C9orf153: variants seen among roughly 807,000 people sequenced by gnomAD.
The protein encoded by C9orf153 is chromosome 9 open reading frame 153.
A neutral mutation model predicts 9.0 loss-of-function variants in C9orf153; 10 were observed. That is an observed-to-expected ratio of 1.11 (90% confidence interval 0.69 to 1.89). C9orf153 has a LOEUF of 1.89. C9orf153 is among the 40% of genes most tolerant of loss of function. C9orf153 has a pLI of 0.00. For missense variants in C9orf153, 108 were observed against 111.0 expected (o/e 0.97, Z 0.12); for synonymous variants, 35 against 37.3 (o/e 0.94, Z 0.23).
intron 3 of C9orf153, among the ~76,000 whole-genome samples, chr9:86,226,130 C>G (rs1162017575): frequency 6.6e-6 from 1 of 152,126 alleles, no homozygotes. Context: ...TAGGCCAGTC[C>G]TATCATTGCT....
At chr9:86,249,635 A>G (rs1483173635) in intron 1 of C9orf153, among the ~76,000 whole-genome samples, 4 of 149,602 alleles carry the variant, frequency 2.7e-5, no homozygotes, top group African/African-American at 7.4e-5. Context: ...TGCAACCTCC[A>G]TCTCCCGAGT....
chr9:86,236,796 G>A (rs1564000125), intron 1 of C9orf153, among the ~76,000 whole-genome samples: 1 of 151,384 alleles, frequency 6.6e-6, no homozygotes, highest in East Asian at 1.9e-4. Context: ...AAAGATAACA[G>A]TTTGTTCAAA....
chr9:86,240,989 G>A (rs1261274837), intron 1 of C9orf153, among the ~76,000 whole-genome samples: 2 of 152,088 alleles, frequency 1.3e-5, no homozygotes, highest in South Asian at 2.1e-4. Flanking sequence ...TCACAGGCGT[G>A]AGCCACTGTG....
chr9:86,236,501 A>C (rs1030801726), intron 1 of C9orf153, among the ~76,000 whole-genome samples: 1 of 149,926 alleles, frequency 6.7e-6, no homozygotes, highest in Non-Finnish European at 1.5e-5. Flanking sequence ...GTGAGCCGAT[A>C]TCACGCCATT....
At chr9:86,228,402 A>G (rs988835885) in intron 2 of C9orf153, among the ~76,000 whole-genome samples, 1 of 152,104 alleles carries the variant, frequency 6.6e-6, no homozygotes, top group Non-Finnish European at 1.5e-5. Flanking sequence ...GCTTGTTTTG[A>G]ACAATGCTAT....
At chr9:86,249,971 C>T (rs1824959418) in intron 1 of C9orf153, among the ~76,000 whole-genome samples, 2 of 152,176 alleles carry the variant, frequency 1.3e-5, no homozygotes, top group Admixed American at 1.3e-4. Flanking sequence ...TACCCTACCA[C>T]TCAATGGGGT....
chr9:86,249,709 C>T (rs140619645), intron 1 of C9orf153, among the ~76,000 whole-genome samples: 95 of 152,194 alleles, frequency 6.2e-4, no homozygotes, highest in African/African-American at 2.2e-3. Context: ...CCACCACACT[C>T]GACTTATTTT....
rs187157847 is a variant in C9orf153, at chr9:86,226,140, T to G, written c.242+1715A>C. ...TTATCTAGGCCAGTCCTATCATTGC[T>G]TTAATTGCACTGCTACTTAGGCAAC... On this transcript the variant is annotated intron_variant, in intron 3 of 3. Coordinates refer to ENST00000339137, the MANE Select transcript of C9orf153 (RefSeq NM_001276366.4). Among the ~76,000 whole-genome samples, 23 of 152,312 alleles carry G rather than the reference T, an allele frequency of 1.5e-4. No homozygotes were observed. In the East Asian group the frequency reaches 4.2e-3, roughly 28 times the overall value.
At position 86,241,420 on chromosome 9, in the gene C9orf153, G is replaced by A. The variant is rs183352466; in HGVS notation, c.-26-11791C>T. Among the ~76,000 whole-genome samples, 64 of 152,284 alleles carry A rather than the reference G, an allele frequency of 4.2e-4. 1 individual carries two copies. Among genetic ancestry groups the A allele is most frequent in the Non-Finnish European group, 7.4e-5 (5 of 68,020 alleles). ...TTTCAGGGTGCTAAGAATAGCTTTG[G>A]TTGTGGGAGGGAGATTGTTATCAAA... is the stretch of plus-strand genomic sequence containing the variant. On this transcript the variant is annotated intron_variant, in intron 1 of 3. Transcript: ENST00000339137.
chr9:86,227,722 G>T (rs1180565103), intron 3 of C9orf153, 133 bp downstream of exon 3: 2 of 1,397,232 alleles, frequency 1.4e-6, no homozygotes, highest in African/African-American at 1.5e-5. Context: ...GCTTGGGAGG[G>T]GAGATCCCAC....
intron 1 of C9orf153, among the ~76,000 whole-genome samples, chr9:86,242,954 C>T (rs1208020225): frequency 6.6e-6 from 1 of 152,218 alleles, no homozygotes; most frequent in Non-Finnish European, 1.5e-5. Context: ...GTTGGGATTA[C>T]AGGCGTGAAC....
chr9:86,251,551 A>C (rs1017355801), intron 1 of C9orf153, among the ~76,000 whole-genome samples: 2 of 150,232 alleles, frequency 1.3e-5, no homozygotes, highest in African/African-American at 2.5e-5. Context: ...TGGTTTTGGG[A>C]AAAAATTATA....
At chr9:86,246,242 A>G (rs187572480) in intron 1 of C9orf153, among the ~76,000 whole-genome samples, 9 of 152,320 alleles carry the variant, frequency 5.9e-5, no homozygotes, top group Admixed American at 5.9e-4. Context: ...TGCCTTGGAA[A>G]GATGTTTTCA....
intron 3 of C9orf153, among the ~76,000 whole-genome samples, chr9:86,222,263 G>A (rs1824220677): frequency 6.6e-6 from 1 of 152,112 alleles, no homozygotes; most frequent in South Asian, 2.1e-4. Context: ...GCAATTGAGT[G>A]GGTCTGGCTA....
chr9:86,236,457 G>A (rs7874935), intron 1 of C9orf153, among the ~76,000 whole-genome samples: 5,300 of 150,732 alleles, frequency 0.035, 326 homozygotes, highest in African/African-American at 0.12. Flanking sequence ...GCTGAGGCAG[G>A]AGAATTGCTT....
In C9orf153 at chr9:86,221,745, C is replaced by T. The variant is rs1392233487; in HGVS notation, c.243-12G>A. On this transcript the variant is annotated splice_polypyrimidine_tract_variant and intron_variant, in intron 3 of 3. Transcript: ENST00000339137. ...CATGAATTGTTTTCCTGAAAAGAAT[C>T]ATATTTTCAAAGAATCACATGGTGT... 1 of 1,503,104 alleles carries T rather than the reference C, an allele frequency of 6.7e-7. No individual in the cohort carries two copies. Among genetic ancestry groups the T allele is most frequent in the South Asian group, 1.2e-5 (1 of 82,950 alleles). 93.1% of individuals were successfully genotyped at this position (1,503,104 alleles called of 1,614,324 possible).
chr9:86,230,632 T>A (rs903248826), intron 1 of C9orf153, among the ~76,000 whole-genome samples: 11 of 152,248 alleles, frequency 7.2e-5, no homozygotes, highest in African/African-American at 2.7e-4. Flanking sequence ...TTACATATTC[T>A]GATCAACTTT....
chr9:86,223,441 C>T (rs1034540626), intron 3 of C9orf153, among the ~76,000 whole-genome samples: 10 of 152,114 alleles, frequency 6.6e-5, no homozygotes, highest in African/African-American at 2.2e-4. Flanking sequence ...GCACTCCAGC[C>T]TGGGTGACAG....
intron 3 of C9orf153, among the ~76,000 whole-genome samples, chr9:86,226,900 G>T (rs1824349930): frequency 6.6e-6 from 1 of 152,086 alleles, no homozygotes; most frequent in South Asian, 2.1e-4. Context: ...AAGTAGCTGG[G>T]ATTATAGGCA....
Sources: allele counts gnomAD v4.1 joint callset (sites outside exome capture counted in the v4.1 genomes callset), GRCh38; gene constraint gnomAD v4.1.1; transcripts MANE v1.5; gene names NCBI Gene and HGNC (gene_info 2026-07-23, HGNC 2026-07-21).